The following DDX10 variants were observed in gnomAD, a reference collection of about 807,000 sequenced individuals.
The protein encoded by DDX10 is probable ATP-dependent RNA helicase DDX10.
DDX10 carries 74 observed loss-of-function variants against 104.3 expected under a neutral mutation model. The observed-to-expected ratio is 0.71, with a 90% CI of 0.59 to 0.86. The LOEUF is 0.86. Among genes scored for constraint, DDX10 ranks in the 40% least tolerant of loss-of-function variants. The pLI is 0.00. For missense variants in DDX10, 952 were observed against 1,040.0 expected, an observed-to-expected ratio of 0.92 and a Z score of 1.16; for synonymous variants, 351 against 353.4, an observed-to-expected ratio of 0.99 and a Z score of 0.08.
chr11:108,940,440 C>T lies in DDX10; in HGVS notation c.*17C>T, dbSNP rs1372771083. 1.2e-6 allele frequency: 2 copies of T among 1,608,624 alleles called. No individual in the cohort carries two copies. Among genetic ancestry groups the T allele is most frequent in the South Asian group, 1.1e-5 (1 of 90,184 alleles). The stretch of plus-strand genomic sequence containing the variant: ...CAAAGCTAAATACTTCCTGCGCCTG[C>T]CTTCTCCTTGAAACCTTGGTTATGA... On this transcript the variant is annotated 3_prime_UTR_variant, in exon 18 of 18. Coordinates refer to ENST00000322536, the MANE Select transcript of DDX10 (RefSeq NM_004398.4).
At chr11:108,817,023 T>A (rs1470606703) in intron 13 of DDX10, among the ~76,000 whole-genome samples, 1 of 152,200 alleles carries the variant, frequency 6.6e-6, no homozygotes, top group Non-Finnish European at 1.5e-5. Flanking sequence ...ACTGGAAACT[T>A]TGACTTTAAG....
intron 13 of DDX10, among the ~76,000 whole-genome samples, chr11:108,817,257 A>C (rs1041262538): frequency 6.6e-6 from 1 of 151,984 alleles, no homozygotes; most frequent in Non-Finnish European, 1.5e-5. Flanking sequence ...CATAATCCAG[A>C]ATCTTCTTGT....
At position 108,837,607 on chromosome 11, in the gene DDX10, C is replaced by CTTTTTTTTTTTTTTTTTTTTTTTTTTTT. The variant is rs142381520; in HGVS notation, c.1966-831_1966-804dup. ...TTCTGCATCTCACCTTTGGATACAG[C>CTTTTTTTTTTTTTTTTTTTTTTTTTTTT]TTTTTTTTTTTTTTTTTTTTTTTTT... On this transcript the variant is annotated intron_variant, in intron 13 of 17. Transcript: ENST00000322536. 1.7e-4 allele frequency among the ~76,000 whole-genome samples: 6 copies of CTTTTTTTTTTTTTTTTTTTTTTTTTTTT among 34,748 alleles called. 2 individuals are homozygous for CTTTTTTTTTTTTTTTTTTTTTTTTTTTT. The highest frequency in any genetic ancestry group is 4.2e-4 in the Admixed American group (1 of 2,400). The allele number at this position is 34,748 out of a possible 152,430, so 22.8% of individuals were successfully genotyped here. A position where few individuals can be genotyped will look rare whatever the true frequency, so the allele number is the denominator to read the frequency against.
intron 13 of DDX10, among the ~76,000 whole-genome samples, chr11:108,752,215 G>T (rs1322065940): frequency 6.6e-6 from 1 of 152,134 alleles, no homozygotes; most frequent in Non-Finnish European, 1.5e-5. Context: ...TTCTGTGGAA[G>T]TGTTAGAGCA....
intron 17 of DDX10, among the ~76,000 whole-genome samples, chr11:108,934,832 A>T (rs1249540635): frequency 6.6e-6 from 1 of 152,202 alleles, no homozygotes; most frequent in Non-Finnish European, 1.5e-5. Context: ...GGAACTTGTG[A>T]TATTAAAAAC....
intron 16 of DDX10, among the ~76,000 whole-genome samples, chr11:108,872,227 T>C (rs1565304847): frequency 6.6e-6 from 1 of 152,214 alleles, no homozygotes; most frequent in Non-Finnish European, 1.5e-5. Context: ...ATAGAAGAGA[T>C]TGATGACTAA....
chr11:108,834,409 ACT>A lies in DDX10; in HGVS notation c.1966-4034_1966-4033del, dbSNP rs533218136. ...ACTACAGTTCAATATTGTTTATAGG[ACT>A]CTTTTTTGAGACAGAAATTTATATA... On this transcript the variant is annotated intron_variant, in intron 13 of 17. Transcript: ENST00000322536. 1.4e-3 allele frequency among the ~76,000 whole-genome samples: 214 copies of A among 151,878 alleles called. 1 individual carries two copies. Among genetic ancestry groups the A allele is most frequent in the Admixed American group, 3.1e-3 (48 of 15,244 alleles).
At chr11:108,817,824 T>C (rs1449766505) in intron 13 of DDX10, among the ~76,000 whole-genome samples, 3 of 152,210 alleles carry the variant, frequency 2.0e-5, no homozygotes, top group Non-Finnish European at 2.9e-5. Flanking sequence ...AAACTTAATA[T>C]GCGGCTCATA....
At chr11:108,766,622 A>C (rs1013566419) in intron 13 of DDX10, among the ~76,000 whole-genome samples, 2 of 152,228 alleles carry the variant, frequency 1.3e-5, no homozygotes, top group African/African-American at 2.4e-5. Flanking sequence ...GTGGTTCATA[A>C]AATTTTTAAC....
At chr11:108,767,098 G>A (rs2094357325) in intron 13 of DDX10, among the ~76,000 whole-genome samples, 1 of 152,124 alleles carries the variant, frequency 6.6e-6, no homozygotes, top group Non-Finnish European at 1.5e-5. Flanking sequence ...GGCACTAAGT[G>A]ATGTGGACCT....
Position 108,723,319 on chromosome 11 carries a change from C to G in DDX10, c.1822C>G (p.Pro608Ala). ...AAAAGGATCTCAAGCCCCATCTCTT[C>G]CTAACACCAGTGAGGCACAGAAGAT... The part of the protein sequence containing the change: ...KAKGSQAPSL[P>A]NTSEAQKIKE... Residue 608 changes from proline (P) to alanine (A), a missense_variant, in exon 13 of 18, where the codon CCT (proline) becomes GCT (alanine). By Grantham distance (27) the Pro-to-Ala change is conservative (BLOSUM62 -1). This residue lies in a region of DDX10 where 533 missense variants were observed against 534.1 expected (regional missense o/e 1.00). Transcript: ENST00000322536. 1 of 1,613,928 alleles carries G rather than the reference C, an allele frequency of 6.2e-7. No homozygotes were observed. Among genetic ancestry groups the G allele is most frequent in the Non-Finnish European group, 8.5e-7 (1 of 1,179,922 alleles).
intron 16 of DDX10, among the ~76,000 whole-genome samples, chr11:108,908,598 A>G (rs919401196): frequency 4.6e-5 from 7 of 152,222 alleles, no homozygotes; most frequent in Non-Finnish European, 8.8e-5. Flanking sequence ...CTCACTGATA[A>G]TCACTGACAG....
intron 13 of DDX10, among the ~76,000 whole-genome samples, chr11:108,742,769 G>A (rs7937730): frequency 0.072 from 10,963 of 152,086 alleles, 1,172 homozygotes; most frequent in African/African-American, 0.23. Flanking sequence ...ACCTCTATGC[G>A]CACAAACTGG....
chr11:108,725,988 T>C (rs1160398405), intron 13 of DDX10, among the ~76,000 whole-genome samples: 5 of 152,022 alleles, frequency 3.3e-5, no homozygotes, highest in Non-Finnish European at 7.4e-5. Flanking sequence ...GTACACTTTT[T>C]TTTGCATATG....
intron 17 of DDX10, among the ~76,000 whole-genome samples, chr11:108,934,551 G>A (rs1270310304): frequency 1.3e-5 from 2 of 152,174 alleles, no homozygotes; most frequent in African/African-American, 4.8e-5. Context: ...ATGGAACCTG[G>A]GGAAATGAAC....
intron 16 of DDX10, among the ~76,000 whole-genome samples, chr11:108,854,462 A>C (rs555484211): frequency 6.6e-6 from 1 of 152,222 alleles, no homozygotes; most frequent in Non-Finnish European, 1.5e-5. Flanking sequence ...GAATCACTTT[A>C]GTCAGATTCC....
At chr11:108,684,047 T>C (rs2094239225) in intron 6 of DDX10, among the ~76,000 whole-genome samples, 1 of 151,820 alleles carries the variant, frequency 6.6e-6, no homozygotes, top group Non-Finnish European at 1.5e-5. Context: ...TAGTAGATGC[T>C]TCAAGTTATT....
At chr11:108,690,463 C>A in intron 7 of DDX10, 1 of 154,194 alleles carries the variant, frequency 6.5e-6, no homozygotes, top group South Asian at 1.9e-4. Flanking sequence ...CAGAGAGGGT[C>A]TGTCACCCTG....
chr11:108,761,259 G>T (rs2094350520), intron 13 of DDX10, among the ~76,000 whole-genome samples: 1 of 152,088 alleles, frequency 6.6e-6, no homozygotes, highest in Non-Finnish European at 1.5e-5. Flanking sequence ...AAGCAGGGAA[G>T]TTGTAAAGGA....
Sources: gnomAD v4.1 joint callset for allele counts (sites outside exome capture counted in the v4.1 genomes callset) on GRCh38, gnomAD v4.1.1 for gene constraint, gnomAD v4.1.1 regional missense constraint, MANE v1.5 for transcripts, NCBI Gene and HGNC (gene_info 2026-07-23, HGNC 2026-07-21) for gene names.